FBXO10: variants seen among roughly 807,000 people sequenced by gnomAD.
FBXO10 encodes F-box only protein 10.
Under a neutral mutation model 80.7 loss-of-function variants are expected in FBXO10, and 39 were observed. That is an observed-to-expected ratio of 0.48 (90% CI 0.37 to 0.63). FBXO10 has a LOEUF of 0.63. Among genes scored for constraint, FBXO10 ranks in the 30% least tolerant of loss-of-function variants. FBXO10 has a pLI of 0.00. For synonymous variants in FBXO10, 449 were observed against 489.6 expected (o/e 0.92, Z 1.09); for missense variants, 1,025 against 1,269.0 (o/e 0.81, Z 2.92).
intron 1 of FBXO10, among the ~76,000 whole-genome samples, chr9:37,558,623 T>C (rs984478309): frequency 6.6e-6 from 1 of 152,144 alleles, no homozygotes; most frequent in Non-Finnish European, 1.5e-5. Flanking sequence ...ACAGGCTTAA[T>C]AACAGTGTTT....
At chr9:37,521,968 G>A in intron 7 of FBXO10, 130 bp from the exon 8 acceptor site, 1 of 962,756 alleles carries the variant, frequency 1.0e-6, no homozygotes, top group Non-Finnish European at 1.5e-6. Flanking sequence ...CCTCGGACAA[G>A]CCACCTGATG....
In FBXO10 at chr9:37,512,461, G is replaced by A; in HGVS notation, c.*86C>T. On this transcript the variant is annotated 3_prime_UTR_variant, in exon 11 of 11. Coordinates refer to ENST00000432825, the MANE Select transcript of FBXO10 (RefSeq NM_012166.3). ...GACCCATTTGTTCGAGGGGGAGGGG[G>A]AGGGGCGGAGTCTTTTCAGGCAGTA... 1 of 1,459,422 alleles carries A rather than the reference G, an allele frequency of 6.9e-7. No individual in the cohort carries two copies. The highest frequency in any genetic ancestry group is 2.3e-5 in the East Asian group (1 of 43,446). The allele number at this position is 1,459,422 out of a possible 1,614,324, so 90.4% of individuals were successfully genotyped here.
chr9:37,515,693 A>AC (rs1483722823), intron 10 of FBXO10: 1 of 497,128 alleles, frequency 2.0e-6, no homozygotes, highest in African/African-American at 2.0e-5. Flanking sequence ...GAAACCACAT[A>AC]CCCCTGACTC....
intron 1 of FBXO10, among the ~76,000 whole-genome samples, chr9:37,546,071 G>A (rs761812334): frequency 1.8e-4 from 28 of 151,882 alleles, no homozygotes; most frequent in South Asian, 2.1e-4. Context: ...GCTTGAACCC[G>A]GGAGGCAGAG....
chr9:37,518,060 G>A lies in FBXO10; in HGVS notation c.2514+65C>T, dbSNP rs556717009. On this transcript the variant is annotated intron_variant, in intron 9 of 10. Transcript: ENST00000432825. ...CGGTTCTGTTCTCAGCAGAGGCCAC[G>A]AGGACTATCCCAGGGTTGTGCCCTG... 59 of 1,497,256 alleles carry A rather than the reference G, an allele frequency of 3.9e-5. No homozygotes were observed. The East Asian group carries it at 6.6e-4, about 17-fold the overall frequency. 92.7% of individuals were successfully genotyped at this position (1,497,256 alleles called of 1,614,324 possible). A position where few individuals can be genotyped will look rare whatever the true frequency, so the allele number is the denominator to read the frequency against.
At chr9:37,546,849 T>A (rs1240118276) in intron 1 of FBXO10, among the ~76,000 whole-genome samples, 7 of 152,062 alleles carry the variant, frequency 4.6e-5, no homozygotes, top group Admixed American at 6.5e-5. Flanking sequence ...CCTGGCTAAT[T>A]TTTGTATTTT....
intron 1 of FBXO10, among the ~76,000 whole-genome samples, chr9:37,570,941 C>A (rs1199122028): frequency 2.0e-5 from 3 of 150,546 alleles, no homozygotes; most frequent in Non-Finnish European, 4.4e-5. Flanking sequence ...TTGCAGTGAG[C>A]TGAGATTGCG....
intron 1 of FBXO10, among the ~76,000 whole-genome samples, chr9:37,566,209 CTT>C (rs1170717089): frequency 1.3e-5 from 2 of 152,152 alleles, no homozygotes; most frequent in Non-Finnish European, 2.9e-5. Context: ...TGACTTAACT[CTT>C]GTTTCACATT....
intron 4 of FBXO10, among the ~76,000 whole-genome samples, chr9:37,529,936 A>T (rs1821576575): frequency 6.6e-6 from 1 of 151,820 alleles, no homozygotes; most frequent in Non-Finnish European, 1.5e-5. Flanking sequence ...GGCCTCCCAA[A>T]GTGCTGGGAT....
intron 1 of FBXO10, among the ~76,000 whole-genome samples, chr9:37,569,577 G>A (rs899539255): frequency 3.0e-4 from 45 of 151,980 alleles, no homozygotes; most frequent in African/African-American, 1.0e-3. Context: ...TCCAATAACT[G>A]TAGAATACAT....
intron 1 of FBXO10, among the ~76,000 whole-genome samples, chr9:37,565,561 C>T (rs996961292): frequency 2.0e-5 from 3 of 152,226 alleles, no homozygotes; most frequent in Non-Finnish European, 4.4e-5. Context: ...TTGGGCACCA[C>T]CGTGTACCTC....
rs548705393 is a variant in FBXO10, at chr9:37,535,726, C to A, written c.1419+1384G>T. ...CCAGCCTTTACCCTCCTGGGATGTT[C>A]TAGAGGACAGAGCCAGGTGACAGCC... On this transcript the variant is annotated intron_variant, in intron 3 of 10. Coordinates refer to ENST00000432825, the MANE Select transcript of FBXO10 (RefSeq NM_012166.3). Among the ~76,000 whole-genome samples the A allele has an allele frequency of 1.8e-4, 27 of 152,248 alleles. 1 individual carries two copies. The South Asian group carries it at 4.6e-3, about 26-fold the overall frequency.
At chr9:37,568,511 T>C (rs1822666546) in intron 1 of FBXO10, among the ~76,000 whole-genome samples, 1 of 152,138 alleles carries the variant, frequency 6.6e-6, no homozygotes, top group South Asian at 2.1e-4. Context: ...ACCCACCCAA[T>C]TTACTTTGTT....
In FBXO10 at chr9:37,537,137, G is replaced by A. The variant is rs1273895302; in HGVS notation, c.1392C>T (p.Tyr464=). The A allele has an allele frequency of 6.8e-6, 11 of 1,613,260 alleles. No individual in the cohort carries two copies. The highest frequency in any genetic ancestry group is 1.1e-5 in the South Asian group (1 of 91,016). The change falls in exon 3 of 11, where the codon TAC becomes TAT. Residue 464 remains tyrosine, a synonymous_variant. Transcript: ENST00000432825. ...TGCTATTATGTATACACCGCACTGCGTAAGTCAGGTTCCGGAAGATGTTTC... is the reference window on the plus strand; with the variant it reads ...TGCTATTATGTATACACCGCACTGCATAAGTCAGGTTCCGGAAGATGTTTC... The part of the protein sequence containing the change: ...MEGNIFRNLT[Y]AVRCIHNSKI...
At chr9:37,546,437 A>G (rs1282643399) in intron 1 of FBXO10, among the ~76,000 whole-genome samples, 1 of 152,348 alleles carries the variant, frequency 6.6e-6, no homozygotes, top group East Asian at 1.9e-4. Flanking sequence ...CATCAGATGT[A>G]GTAGGGATCA....
intron 1 of FBXO10, among the ~76,000 whole-genome samples, chr9:37,547,975 G>C (rs1170528001): frequency 1.3e-5 from 2 of 151,590 alleles, no homozygotes; most frequent in South Asian, 2.1e-4. Flanking sequence ...ACAATACAAC[G>C]GTGCTTGCCA....
rs1310199598 is a variant in FBXO10, at chr9:37,541,172, G to A, written c.585+12C>T. 2 of 1,574,470 alleles carry A rather than the reference G, an allele frequency of 1.3e-6. No individual in the cohort carries two copies. Among genetic ancestry groups the A allele is most frequent in the African/African-American group, 1.4e-5 (1 of 73,746 alleles). ...AGAACTAGAAAGGCCGTCTATTGAT[G>A]TGGATACCCACCTTATACATGATGG... On this transcript the variant is annotated intron_variant, in intron 2 of 10. Coordinates refer to ENST00000432825, the MANE Select transcript of FBXO10 (RefSeq NM_012166.3).
intron 3 of FBXO10, among the ~76,000 whole-genome samples, chr9:37,536,766 T>C (rs1821775922): frequency 1.3e-5 from 2 of 152,172 alleles, no homozygotes. Context: ...CATATCTCCC[T>C]GAATTTTCTC....
chr9:37,533,284 G>A (rs948549414), intron 3 of FBXO10, among the ~76,000 whole-genome samples: 4 of 152,188 alleles, frequency 2.6e-5, no homozygotes, highest in Non-Finnish European at 4.4e-5. Context: ...GGTGGCTCAC[G>A]TCTGTAATCT....
Sources: allele counts gnomAD v4.1 joint callset (sites outside exome capture counted in the v4.1 genomes callset), GRCh38; gene constraint gnomAD v4.1.1; transcripts MANE v1.5; gene names NCBI Gene and HGNC (gene_info 2026-07-23, HGNC 2026-07-21).